Variants in CAST observed in about 807,000 individuals in gnomAD.
CAST encodes MIR583 host.
CAST carries 76 observed loss-of-function variants against 119.6 expected under a neutral mutation model. That is an observed-to-expected ratio of 0.64 (90% CI 0.53 to 0.77). The LOEUF (loss-of-function observed/expected upper bound fraction) is 0.77. Ranked by LOEUF, CAST falls within the 30% of genes least tolerant of loss-of-function variation. The probability of loss-of-function intolerance (pLI) is 0.00; values close to 1 mark genes in which losing one functional copy is unlikely to be tolerated. For missense variants in CAST, 953 were observed against 946.5 expected, an observed-to-expected ratio of 1.01 and a Z score of -0.09; for synonymous variants, 319 against 331.6, an observed-to-expected ratio of 0.96 and a Z score of 0.41.
At chr5:96,617,823 A>C (rs1030968861) in intron 1 of CAST, among the ~76,000 whole-genome samples, 1 of 142,898 alleles carries the variant, frequency 7.0e-6, no homozygotes, top group Non-Finnish European at 1.5e-5. Context: ...AAAAAAAAAA[A>C]AAAAAACACT....
the CAST span, among the ~76,000 whole-genome samples, chr5:96,069,655 C>CT: frequency 0.058 from 4,567 of 78,510 alleles, 320 homozygotes; most frequent in East Asian, 0.14. Context: ...GGTAATTAAA[C>CT]TTTTTTTTTT....
intron 1 of CAST, among the ~76,000 whole-genome samples, chr5:96,601,857 A>T (rs1000774523): frequency 6.6e-6 from 1 of 152,230 alleles, no homozygotes. Context: ...GCATTTGATA[A>T]GCACCGTAAT....
chr5:96,660,118 T>C (rs1748230710), upstream of CAST, among the ~76,000 whole-genome samples: 1 of 152,216 alleles, frequency 6.6e-6, no homozygotes, highest in Non-Finnish European at 1.5e-5. Flanking sequence ...GTGAATAGAT[T>C]GATTACTTAC....
chr5:96,342,984 G>A, the CAST span, among the ~76,000 whole-genome samples: 1 of 152,270 alleles, frequency 6.6e-6, no homozygotes, highest in African/African-American at 2.4e-5. Context: ...ATGAAGAAAG[G>A]TGTGGGAATA....
At chr5:96,425,052 G>GA in the CAST span, among the ~76,000 whole-genome samples, 1,503 of 119,240 alleles carry the variant, frequency 0.013, 56 homozygotes, top group African/African-American at 0.045. Context: ...AAGAAAGAAA[G>GA]AAAGAAAGAA....
the CAST span, among the ~76,000 whole-genome samples, chr5:95,985,914 T>G: frequency 1.3e-5 from 2 of 152,190 alleles, no homozygotes; most frequent in African/African-American, 4.8e-5. Flanking sequence ...TTCTTTGACA[T>G]CTCTAAACAC....
chr5:96,536,834 A>ATT (rs34848138), intron 1 of CAST, among the ~76,000 whole-genome samples: 3 of 151,734 alleles, frequency 2.0e-5, no homozygotes, highest in African/African-American at 4.8e-5. Context: ...AACAGTATAA[A>ATT]TTTTTTTTAT....
At chr5:96,581,917 T>TAAATAAAC (rs1343762389) in intron 1 of CAST, among the ~76,000 whole-genome samples, 11 of 149,922 alleles carry the variant, frequency 7.3e-5, no homozygotes, top group East Asian at 4.1e-4. Flanking sequence ...AATAAATAAA[T>TAAATAAAC]AAACAATCTG....
the CAST span, among the ~76,000 whole-genome samples, chr5:96,074,544 A>T: frequency 6.6e-6 from 1 of 152,212 alleles, no homozygotes; most frequent in Non-Finnish European, 1.5e-5. Context: ...CTGATGAGAA[A>T]ATAAATTGCT....
At chr5:95,978,205 C>G in the CAST span, among the ~76,000 whole-genome samples, 1 of 152,118 alleles carries the variant, frequency 6.6e-6, no homozygotes, top group African/African-American at 2.4e-5. Flanking sequence ...CTGTTTCTAG[C>G]TCTTTGAGGA....
chr5:96,675,239 C>T (rs1328493333), intron 1 of CAST, among the ~76,000 whole-genome samples: 1 of 152,174 alleles, frequency 6.6e-6, no homozygotes, highest in Non-Finnish European at 1.5e-5. Context: ...GTCTACCGTG[C>T]TGAAAACTTG....
At chr5:96,516,522 A>G in the CAST span, among the ~76,000 whole-genome samples, 13 of 152,210 alleles carry the variant, frequency 8.5e-5, no homozygotes, top group Non-Finnish European at 1.6e-4. Flanking sequence ...TCTACATGTC[A>G]GTTAGTTTCT....
the CAST span, among the ~76,000 whole-genome samples, chr5:96,449,098 C>T: frequency 6.6e-6 from 1 of 152,116 alleles, no homozygotes; most frequent in African/African-American, 2.4e-5. Flanking sequence ...TATCATTTTC[C>T]TTTTTCTTGA....
chr5:96,359,709 G>T, the CAST span, among the ~76,000 whole-genome samples: 1 of 152,190 alleles, frequency 6.6e-6, no homozygotes, highest in African/African-American at 2.4e-5. Flanking sequence ...TTCACTGTTA[G>T]GCTGATGGGC....
chr5:96,481,162 C>T, the CAST span, among the ~76,000 whole-genome samples: 1 of 151,548 alleles, frequency 6.6e-6, no homozygotes, highest in African/African-American at 2.4e-5. Flanking sequence ...CACTAACACT[C>T]ACTCATCATA....
In CAST at chr5:96,596,189, C is replaced by T. The variant is rs1747049519; in HGVS notation, c.60+66309C>T. 2.0e-5 allele frequency among the ~76,000 whole-genome samples: 3 copies of T among 152,168 alleles called. No individual in the cohort carries two copies. In the South Asian group the frequency reaches 6.2e-4, roughly 32 times the overall value. Reference sequence around the variant, plus strand: ...AAGGGATTGAGATGGGTAGATTGTCCTGGATTAGCCAGGTAGGCCCAATAC... The same window carrying T: ...AAGGGATTGAGATGGGTAGATTGTCTTGGATTAGCCAGGTAGGCCCAATAC... On this transcript the variant is annotated intron_variant, in intron 1 of 11. Coordinates refer to the CAST transcript ENST00000505143.
chr5:96,492,271 C>G, the CAST span, among the ~76,000 whole-genome samples: 3 of 152,158 alleles, frequency 2.0e-5, no homozygotes, highest in East Asian at 5.8e-4. Context: ...GCAGGGAAGT[C>G]CTATTTAGAA....
chr5:95,969,781 G>A, the CAST span, among the ~76,000 whole-genome samples: 1 of 152,280 alleles, frequency 6.6e-6, no homozygotes. Flanking sequence ...CCTTGTTTAG[G>A]TTAGCGGTAT....
chr5:96,135,063 C>T, the CAST span, among the ~76,000 whole-genome samples: 2 of 152,090 alleles, frequency 1.3e-5, no homozygotes, highest in Non-Finnish European at 2.9e-5. Context: ...ACCAGAAGGC[C>T]GGCAGCATAG....
Sources: allele counts gnomAD v4.1 joint callset (sites outside exome capture counted in the v4.1 genomes callset), GRCh38; gene constraint gnomAD v4.1.1; transcripts MANE v1.5; gene names NCBI Gene and HGNC (gene_info 2026-07-23, HGNC 2026-07-21).